Variants in FARP2 observed in about 807,000 individuals in gnomAD.
FARP2 encodes the protein FERM, ARHGEF and pleckstrin domain-containing protein 2.
A neutral mutation model predicts 130.5 loss-of-function variants in FARP2; 111 were observed. The observed-to-expected ratio is 0.85, with a 90% CI of 0.73 to 1.00. The LOEUF (loss-of-function observed/expected upper bound fraction) is 1.00. FARP2 is among the 50% of genes least tolerant of loss of function. The probability of loss-of-function intolerance (pLI) is 0.00; values close to 1 mark genes in which losing one functional copy is unlikely to be tolerated. For synonymous variants in FARP2, 504 were observed against 516.9 expected (o/e 0.98, Z 0.34); for missense variants, 1,385 against 1,346.3 (o/e 1.03, Z -0.45).
At chr2:241,466,697 C>CCG in intron 17 of FARP2, 1 of 676,636 alleles carries the variant, frequency 1.5e-6, no homozygotes. Context: ...CCACCCCCCC[C>CCG]CCCACCACCA....
At chr2:241,468,004 T>G in intron 17 of FARP2, 136 bp from the exon 18 acceptor site, 1 of 716,962 alleles carries the variant, frequency 1.4e-6, no homozygotes, top group Admixed American at 2.0e-5. Context: ...AAGCCCCCGC[T>G]GGCGCACGCT....
intron 22 of FARP2, among the ~76,000 whole-genome samples, chr2:241,490,710 G>A (rs956767030): frequency 6.6e-6 from 1 of 152,174 alleles, no homozygotes; most frequent in African/African-American, 2.4e-5. Context: ...TTCCCACCAG[G>A]AAATGCTCAC....
chr2:241,493,054 G>C lies in FARP2; in HGVS notation c.2895+18G>C, dbSNP rs757762474. ...CTCATCAGGTACTGGAGTTTCACTG[G>C]AGCCCAATGCAGGTGATGCTAGCAG... On this transcript the variant is annotated intron_variant, in intron 25 of 26. Transcript: ENST00000264042. 3.6e-6 allele frequency: 5 copies of C among 1,389,204 alleles called. No individual in the cohort carries two copies. Among genetic ancestry groups the C allele is most frequent in the Non-Finnish European group, 5.1e-6 (5 of 974,360 alleles). 86.1% of individuals were successfully genotyped at this position (1,389,204 alleles called of 1,614,324 possible).
chr2:241,417,729 A>G (rs1489294373), intron 7 of FARP2, among the ~76,000 whole-genome samples: 1 of 152,232 alleles, frequency 6.6e-6, no homozygotes, highest in East Asian at 1.9e-4. Flanking sequence ...GTATGCAAAG[A>G]AAGTGTTCTA....
chr2:241,366,138 T>TATATATATACGTATATATATATAC (rs1491421503), intron 1 of FARP2, among the ~76,000 whole-genome samples: 4,075 of 138,248 alleles, frequency 0.029, 427 homozygotes, highest in Admixed American at 0.16. Context: ...TATATATATA[T>TATATATATACGTATATATATATAC]ACACACACAC....
At chr2:241,382,005 G>A (rs1440178728) in intron 2 of FARP2, among the ~76,000 whole-genome samples, 2 of 152,114 alleles carry the variant, frequency 1.3e-5, no homozygotes, top group East Asian at 1.9e-4. Flanking sequence ...AATGTAATTC[G>A]GTTTTCATTA....
chr2:241,442,990 T>C (rs113661340), intron 13 of FARP2: 29 of 195,730 alleles, frequency 1.5e-4, no homozygotes, highest in African/African-American at 6.7e-4. Context: ...GCCACTGCGC[T>C]ACACAAAACC....
intron 2 of FARP2, among the ~76,000 whole-genome samples, chr2:241,403,520 G>A (rs574721022): frequency 2.6e-5 from 4 of 152,186 alleles, no homozygotes; most frequent in African/African-American, 7.2e-5. Context: ...TGTAAATATC[G>A]AAATTATTTG....
chr2:241,406,774 T>G (rs1255547373), intron 4 of FARP2, among the ~76,000 whole-genome samples: 1 of 151,928 alleles, frequency 6.6e-6, no homozygotes, highest in Non-Finnish European at 1.5e-5. Flanking sequence ...TATTTAAATT[T>G]TTTAATGTGC....
intron 19 of FARP2, among the ~76,000 whole-genome samples, chr2:241,479,381 C>T (rs1047529691): frequency 1.3e-5 from 2 of 152,236 alleles, no homozygotes; most frequent in East Asian, 3.8e-4. Context: ...GCATCCAGCA[C>T]GCCGTGGCCT....
At chr2:241,437,855 C>T (rs568460541) in intron 12 of FARP2, among the ~76,000 whole-genome samples, 40 of 151,826 alleles carry the variant, frequency 2.6e-4, no homozygotes, top group African/African-American at 8.9e-4. Context: ...TTAGTAGAGA[C>T]GGGGTTTCAC....
Position 241,425,122 on chromosome 2 carries a change from G to T in FARP2, c.772-6557G>T, listed in dbSNP as rs374517687. ...CTTGAGAGACTGAGGAAGGAGAACC[G>T]CTTGAGCCTGGGAGGCGGAGGTTGC... On this transcript the variant is annotated intron_variant, in intron 8 of 26. Coordinates refer to ENST00000264042, the MANE Select transcript of FARP2 (RefSeq NM_014808.4). Among the ~76,000 whole-genome samples the T allele has an allele frequency of 7.3e-4, 111 of 152,194 alleles. 3 individuals are homozygous for T. In the South Asian group the frequency reaches 0.022, roughly 30 times the overall value.
At chr2:241,392,210 C>A (rs2061922939) in intron 2 of FARP2, among the ~76,000 whole-genome samples, 1 of 152,200 alleles carries the variant, frequency 6.6e-6, no homozygotes, top group Admixed American at 6.5e-5. Context: ...CGCTGGCTCT[C>A]CTGCACACAG....
chr2:241,453,423 C>G (rs1309353448), intron 13 of FARP2, among the ~76,000 whole-genome samples: 2 of 151,842 alleles, frequency 1.3e-5, no homozygotes, highest in Non-Finnish European at 2.9e-5. Context: ...GAGATCGAGA[C>G]CATCCTGGCT....
At chr2:241,491,270 C>T (rs899276091) in intron 23 of FARP2, 91 bp downstream of exon 23, 55 of 997,286 alleles carry the variant, frequency 5.5e-5, no homozygotes, top group Non-Finnish European at 8.0e-5. Context: ...CATTGGCCCG[C>T]TAAGTTCCCA....
At chr2:241,454,126 A>G (rs1455014026) in intron 13 of FARP2, among the ~76,000 whole-genome samples, 1 of 151,912 alleles carries the variant, frequency 6.6e-6, no homozygotes, top group Non-Finnish European at 1.5e-5. Context: ...ACCCCACCCT[A>G]GCCATGGCCT....
At position 241,449,955 on chromosome 2, in the gene FARP2, TGAG is replaced by T. The variant is rs533082032; in HGVS notation, c.1412-6791_1412-6789del. Among the ~76,000 whole-genome samples the T allele has an allele frequency of 3.0e-4, 45 of 150,124 alleles. No homozygotes were observed. In the East Asian group the frequency reaches 7.8e-3, roughly 26 times the overall value. Reference sequence around the variant, plus strand: ...CCGGGAGGCAGAGGTTGGAGTGAGCTGAGATCGCTCCATTGCACTCCAGCCTGG... The same window carrying T: ...CCGGGAGGCAGAGGTTGGAGTGAGCTATCGCTCCATTGCACTCCAGCCTGG... On this transcript the variant is annotated intron_variant, in intron 13 of 26. Coordinates refer to ENST00000264042, the MANE Select transcript of FARP2 (RefSeq NM_014808.4).
intron 16 of FARP2, 72 bp from the exon 17 acceptor site, chr2:241,463,826 AC>A (rs2064093196): frequency 7.7e-7 from 1 of 1,303,116 alleles, no homozygotes; most frequent in African/African-American, 1.4e-5. Context: ...GGCAGCTGTC[AC>A]CCTGCGTCAG....
chr2:241,408,366 C>T (rs1212234681), intron 5 of FARP2, among the ~76,000 whole-genome samples: 2 of 150,186 alleles, frequency 1.3e-5, no homozygotes, highest in Admixed American at 1.3e-4. Flanking sequence ...AGCGAGACTC[C>T]GTCTCAAAAA....
Sources: allele counts gnomAD v4.1 joint callset (sites outside exome capture counted in the v4.1 genomes callset), GRCh38; gene constraint gnomAD v4.1.1; transcripts MANE v1.5; gene names NCBI Gene and HGNC (gene_info 2026-07-23, HGNC 2026-07-21).